Variants in PCDHGB1 observed in about 807,000 individuals in gnomAD.
PCDHGB1 encodes the protein protocadherin gamma subfamily B, 1, also known as protocadherin gamma-B1.
In PCDHGB1, 34 loss-of-function variants were observed where a neutral mutation model predicts 56.6. The ratio of observed to expected loss-of-function variants is 0.60; its 90% CI spans 0.46 to 0.80. PCDHGB1 has a LOEUF of 0.80. Among genes scored for constraint, PCDHGB1 ranks in the 30% least tolerant of loss-of-function variants. The pLI, the probability that PCDHGB1 is intolerant of heterozygous loss-of-function variation, is 0.00. For missense variants in PCDHGB1, 1,278 were observed against 1,204.6 expected (o/e 1.06, Z -0.90); for synonymous variants, 561 against 505.9 (o/e 1.11, Z -1.46).
intron 1 of PCDHGB1, chr5:141,413,304 A>G: frequency 6.2e-7 from 1 of 1,613,982 alleles, no homozygotes; most frequent in Non-Finnish European, 8.5e-7. Context: ...CTGAGGAATT[A>G]GAGAAAGGCT....
chr5:141,501,290 T>TACACACAC (rs55762287), intron 2 of PCDHGB1, among the ~76,000 whole-genome samples: 94 of 136,244 alleles, frequency 6.9e-4, no homozygotes, highest in Admixed American at 2.2e-3. Context: ...TATTCCCTTA[T>TACACACAC]ACACACACAC....
chr5:141,443,443 G>A (rs2098388456), intron 1 of PCDHGB1, among the ~76,000 whole-genome samples: 1 of 152,124 alleles, frequency 6.6e-6, no homozygotes, highest in African/African-American at 2.4e-5. Flanking sequence ...CTGTGGTTGC[G>A]CTCCTGTACT....
At chr5:141,366,747 T>G in intron 1 of PCDHGB1, 1 of 1,609,550 alleles carries the variant, frequency 6.2e-7, no homozygotes, top group Non-Finnish European at 8.5e-7. Context: ...GAACGGCGAG[T>G]TCAGGTTAGT....
chr5:141,445,334 A>G (rs1337991795), intron 1 of PCDHGB1, among the ~76,000 whole-genome samples: 1 of 152,224 alleles, frequency 6.6e-6, no homozygotes, highest in African/African-American at 2.4e-5. Context: ...ATCCAGAAAC[A>G]GTAAACATTG....
rs2099399818 is a variant in PCDHGB1, at chr5:141,476,845, C to G, written c.2410-17962C>G. 6.2e-7 allele frequency: 1 copy of G among 1,613,794 alleles called. No individual in the cohort carries two copies. Among genetic ancestry groups the G allele is most frequent in the African/African-American group, 1.3e-5 (1 of 75,078 alleles). ...TGGACGCGAATGACAATGCGCCTGTCTTCAACCAGTCCTTGTACCGGGCGC... is the reference window on the plus strand; with the variant it reads ...TGGACGCGAATGACAATGCGCCTGTGTTCAACCAGTCCTTGTACCGGGCGC... On this transcript the variant is annotated intron_variant, in intron 1 of 3. Transcript: ENST00000523390. This position sits in a 1 kb window ranked among gnomAD's most constrained non-coding sequence, Gnocchi z 7.6.
At chr5:141,356,905 A>T (rs542271225) in intron 1 of PCDHGB1, 1 of 1,614,012 alleles carries the variant, frequency 6.2e-7, no homozygotes, top group African/African-American at 1.3e-5. Context: ...CACCTTCCCT[A>T]CTGATGGCTC....
chr5:141,462,209 C>T (rs1158675305), intron 1 of PCDHGB1, among the ~76,000 whole-genome samples: 6 of 152,172 alleles, frequency 3.9e-5, no homozygotes, highest in Non-Finnish European at 8.8e-5. Flanking sequence ...ATCCGCCTGC[C>T]TCGGCCTCCC....
At chr5:141,425,391 A>G (rs2096872046) in intron 1 of PCDHGB1, among the ~76,000 whole-genome samples, 1 of 152,238 alleles carries the variant, frequency 6.6e-6, no homozygotes, top group South Asian at 2.1e-4. Flanking sequence ...AGGTAGTGAT[A>G]AAGTTCTGTT....
chr5:141,398,689 G>A (rs6867460), intron 1 of PCDHGB1: 228,699 of 1,613,720 alleles, frequency 0.14, 18,438 homozygotes, highest in African/African-American at 0.32. Context: ...GAAACAGGAT[G>A]GTAGTAAATA....
In PCDHGB1 at chr5:141,432,365, G is replaced by A. The variant is rs1561860587; in HGVS notation, c.2410-62442G>A. The A allele has an allele frequency of 6.2e-7, 1 of 1,614,224 alleles. No homozygotes were observed. The highest frequency in any genetic ancestry group is 2.2e-5 in the East Asian group (1 of 44,882). ...CTTGCAAGTGAAAGTGATGGCGCGG[G>A]ACAACGGGCACCCGCCCCTCAGCAG... On this transcript the variant is annotated intron_variant, in intron 1 of 3. Transcript: ENST00000523390. The surrounding 1 kb of genome is among the most constrained non-coding windows in gnomAD (Gnocchi z 6.0).
intron 1 of PCDHGB1, among the ~76,000 whole-genome samples, chr5:141,353,242 C>T (rs1329568635): frequency 6.6e-6 from 1 of 152,048 alleles, no homozygotes; most frequent in Non-Finnish European, 1.5e-5. Context: ...ATAGCAGTGC[C>T]TTTTCTTAGT....
rs373728953 is a variant in PCDHGB1 at position 141,491,753 on chromosome 5, C to A, written c.2410-3054C>A. The A allele has an allele frequency of 6.3e-7, 1 of 1,585,146 alleles. No homozygotes were observed. The highest frequency in any genetic ancestry group is 8.6e-7 in the Non-Finnish European group (1 of 1,166,912). On this transcript the variant is annotated intron_variant, in intron 1 of 3. Transcript: ENST00000523390. This position sits in a 1 kb window ranked among gnomAD's most constrained non-coding sequence, Gnocchi z 6.9. The stretch of plus-strand genomic sequence containing the variant: ...ACCCCTGGGGGCGGCACTGGAGAAG[C>A]CGCCCGTCCTCATAAGGGATTGAAC...
chr5:141,456,312 GCTC>G (rs2098849548), intron 1 of PCDHGB1, among the ~76,000 whole-genome samples: 1 of 152,126 alleles, frequency 6.6e-6, no homozygotes, highest in Admixed American at 6.6e-5. Context: ...AGCAGCTAGG[GCTC>G]CTCCTGGGGT....
chr5:141,350,896 G>A lies in PCDHGB1; in HGVS notation c.636G>A (p.Met212Ile), dbSNP rs780813095. 11 of 1,614,042 alleles carry A rather than the reference G, an allele frequency of 6.8e-6. No homozygotes were observed. Among genetic ancestry groups the A allele is most frequent in the South Asian group, 4.4e-5 (4 of 91,090 alleles). Residue 212 changes from methionine (M) to isoleucine (I), a missense_variant, in exon 1 of 4, where the codon ATG becomes ATA. Physicochemically the swap from Met to Ile is conservative, Grantham distance 10. Coordinates refer to ENST00000523390, the MANE Select transcript of PCDHGB1 (RefSeq NM_018922.3). ...CTCATCGCTTAATCCTGACTGCCAT[G>A]GATGGCGGGGACCCGCCTCTAAGCG... Reference protein sequence around the residue: ...QSSHRLILTAMDGGDPPLSGT... With the variant: ...QSSHRLILTAIDGGDPPLSGT...
At chr5:141,373,229 A>C (rs941177727) in intron 1 of PCDHGB1, among the ~76,000 whole-genome samples, 5 of 152,240 alleles carry the variant, frequency 3.3e-5, no homozygotes, top group Non-Finnish European at 7.3e-5. Flanking sequence ...CCTGTATATA[A>C]TATTTTTACT....
intron 1 of PCDHGB1, chr5:141,410,849 CTTTTTT>C (rs759346998): frequency 3.0e-4 from 42 of 138,124 alleles, no homozygotes; most frequent in Middle Eastern, 4.3e-3. Context: ...TTGTCTTTGT[CTTTTTT>C]TTTTTTTTTT....
intron 1 of PCDHGB1, among the ~76,000 whole-genome samples, chr5:141,439,341 G>A (rs1464427300): frequency 6.6e-6 from 1 of 152,166 alleles, no homozygotes; most frequent in East Asian, 1.9e-4. Context: ...AAGATTCTAA[G>A]CCTACAAATA....
intron 1 of PCDHGB1, chr5:141,355,798 C>G (rs1255489648): frequency 6.2e-7 from 1 of 1,613,510 alleles, no homozygotes; most frequent in Non-Finnish European, 8.5e-7. Flanking sequence ...GGAACGCGCT[C>G]TAGATCGCGA....
intron 1 of PCDHGB1, chr5:141,382,913 C>G: frequency 5.2e-6 from 8 of 1,553,234 alleles, no homozygotes; most frequent in Non-Finnish European, 7.0e-6. Context: ...GCGGCTCAGC[C>G]GAGGGGCGGG....
Sources: allele counts gnomAD v4.1 joint callset (sites outside exome capture counted in the v4.1 genomes callset), GRCh38; gene constraint gnomAD v4.1.1; non-coding constraint Gnocchi (gnomAD v3.1); transcripts MANE v1.5; gene names NCBI Gene and HGNC (gene_info 2026-07-23, HGNC 2026-07-21).